Variants in CSMD1 observed in about 807,000 individuals in gnomAD.
CSMD1 encodes CUB and sushi domain-containing protein 1.
Under a neutral mutation model 417.5 loss-of-function variants are expected in CSMD1, and 213 were observed. The observed-to-expected ratio is 0.51, with a 90% CI of 0.46 to 0.57. The LOEUF is 0.57. CSMD1 is among the 20% of genes least tolerant of loss of function. CSMD1 has a pLI of 0.00. For synonymous variants in CSMD1, 2,862 were observed against 1,736.8 expected, an observed-to-expected ratio of 1.65 and a Z score of -16.11; for missense variants, 6,923 against 4,529.7, an observed-to-expected ratio of 1.53 and a Z score of -15.17.
chr8:3,435,180 G>T (rs1258561242), intron 12 of CSMD1, among the ~76,000 whole-genome samples: 1 of 152,120 alleles, frequency 6.6e-6, no homozygotes, highest in Non-Finnish European at 1.5e-5. Flanking sequence ...AAGTCAGAGG[G>T]CAAAAAAGCC....
chr8:4,592,311 G>C (rs1334175433), intron 2 of CSMD1, among the ~76,000 whole-genome samples: 1 of 151,578 alleles, frequency 6.6e-6, no homozygotes, highest in African/African-American at 2.4e-5. Context: ...GTGGTAATTG[G>C]AATGCTTTTA....
At position 4,487,529 on chromosome 8, in the gene CSMD1, T is replaced by C. The variant is rs143020365; in HGVS notation, c.303-67464A>G. ...TTTATGGCTGCATAGTATTCCATGGTGTACATGTGCCACATTTTCTTAATC... is the reference window on the plus strand; with the variant it reads ...TTTATGGCTGCATAGTATTCCATGGCGTACATGTGCCACATTTTCTTAATC... On this transcript the variant is annotated intron_variant, in intron 2 of 69. Transcript: ENST00000635120. Among the ~76,000 whole-genome samples the C allele has an allele frequency of 6.2e-3, 942 of 152,310 alleles. 8 individuals carry two copies. Among genetic ancestry groups the C allele is most frequent in the African/African-American group, 0.022 (907 of 41,562 alleles).
intron 7 of CSMD1, among the ~76,000 whole-genome samples, chr8:3,646,726 C>T (rs981958865): frequency 5.3e-5 from 8 of 152,228 alleles, no homozygotes; most frequent in African/African-American, 1.4e-4. Flanking sequence ...GACCTGGCTC[C>T]GGTGCCTCCT....
intron 5 of CSMD1, among the ~76,000 whole-genome samples, chr8:3,967,644 A>T (rs560078952): frequency 6.6e-6 from 1 of 152,102 alleles, no homozygotes; most frequent in Non-Finnish European, 1.5e-5. Flanking sequence ...TTTCCCCTCC[A>T]TTCCCTGCCT....
At chr8:3,550,449 T>G (rs1425592224) in intron 10 of CSMD1, among the ~76,000 whole-genome samples, 1 of 152,106 alleles carries the variant, frequency 6.6e-6, no homozygotes, top group East Asian at 1.9e-4. Flanking sequence ...CTTTTAAAAG[T>G]TTTTTAATTG....
At position 3,637,444 on chromosome 8, in the gene CSMD1, C is replaced by T. The variant is rs149939872; in HGVS notation, c.1010-20647G>A. Among the ~76,000 whole-genome samples the T allele has an allele frequency of 7.0e-3, 1,073 of 152,224 alleles. 10 individuals are homozygous for T. Among genetic ancestry groups the T allele is most frequent in the African/African-American group, 0.024 (996 of 41,526 alleles). On this transcript the variant is annotated intron_variant, in intron 7 of 69. Transcript: ENST00000635120. ...TAATGTATTTGAATCTATTTTCTAA[C>T]ATTTGATAAGGTAATATGACCTACC... is the stretch of plus-strand genomic sequence containing the variant.
At chr8:4,242,023 T>C (rs925276599) in intron 3 of CSMD1, among the ~76,000 whole-genome samples, 1 of 152,222 alleles carries the variant, frequency 6.6e-6, no homozygotes, top group African/African-American at 2.4e-5. Context: ...CTGCCCCTTG[T>C]TTTAATACCT....
intron 10 of CSMD1, among the ~76,000 whole-genome samples, chr8:3,523,571 ACAC>A (rs1585300775): frequency 6.6e-6 from 1 of 152,212 alleles, no homozygotes; most frequent in East Asian, 1.9e-4. Context: ...AGATGCACAC[ACAC>A]ATGTACACAC....
At chr8:4,030,903 C>G (rs772804716) in intron 4 of CSMD1, among the ~76,000 whole-genome samples, 16 of 152,194 alleles carry the variant, frequency 1.1e-4, no homozygotes, top group Non-Finnish European at 1.2e-4. Context: ...CAAAGTTCCA[C>G]AACTCTCTAG....
intron 12 of CSMD1, among the ~76,000 whole-genome samples, chr8:3,458,113 C>T (rs1284563156): frequency 6.6e-6 from 1 of 152,186 alleles, no homozygotes; most frequent in African/African-American, 2.4e-5. Flanking sequence ...CAGCGCTTAA[C>T]CTCCGTGTCA....
At chr8:3,030,547 G>A (rs1810274371) in intron 50 of CSMD1, among the ~76,000 whole-genome samples, 1 of 151,990 alleles carries the variant, frequency 6.6e-6, no homozygotes, top group Non-Finnish European at 1.5e-5. Context: ...CATGATCACG[G>A]CTCACTGCAA....
chr8:3,281,761 T>C (rs981213081), intron 26 of CSMD1, among the ~76,000 whole-genome samples: 5 of 152,178 alleles, frequency 3.3e-5, no homozygotes, highest in Admixed American at 3.3e-4. Context: ...GATGCATTTT[T>C]CCAAACTCAT....
At chr8:4,324,951 T>G (rs763310757) in intron 3 of CSMD1, among the ~76,000 whole-genome samples, 1 of 152,074 alleles carries the variant, frequency 6.6e-6, no homozygotes, top group East Asian at 1.9e-4. Context: ...GGCAATTGTA[T>G]TTGGAAAGGA....
intron 1 of CSMD1, among the ~76,000 whole-genome samples, chr8:4,792,233 G>T (rs1797730963): frequency 6.6e-6 from 1 of 151,994 alleles, no homozygotes; most frequent in African/African-American, 2.4e-5. Flanking sequence ...TAAATGTATA[G>T]AACTGAAAAA....
chr8:3,290,870 G>C (rs890768154), intron 25 of CSMD1, among the ~76,000 whole-genome samples: 1 of 151,940 alleles, frequency 6.6e-6, no homozygotes, highest in East Asian at 1.9e-4. Context: ...ATATTGAATA[G>C]GAGTGGTGAG....
chr8:4,096,898 G>A (rs1207003364), intron 3 of CSMD1, among the ~76,000 whole-genome samples: 2 of 152,130 alleles, frequency 1.3e-5, no homozygotes, highest in Admixed American at 1.3e-4. Context: ...GCTCTCAGTT[G>A]CCTCAGTTTT....
At chr8:4,093,193 G>T (rs1259626534) in intron 3 of CSMD1, among the ~76,000 whole-genome samples, 7 of 151,990 alleles carry the variant, frequency 4.6e-5, no homozygotes, top group African/African-American at 7.3e-5. Context: ...AAAATTTGAA[G>T]TTTCACATTA....
intron 10 of CSMD1, among the ~76,000 whole-genome samples, chr8:3,548,756 G>C (rs973019675): frequency 4.6e-5 from 7 of 150,974 alleles, no homozygotes; most frequent in South Asian, 2.1e-4. Flanking sequence ...TTTCTAAAGA[G>C]TAAGCCCGGC....
intron 42 of CSMD1, among the ~76,000 whole-genome samples, chr8:3,117,746 C>G (rs1178395861): frequency 1.3e-5 from 2 of 152,196 alleles, no homozygotes; most frequent in African/African-American, 4.8e-5. Context: ...ACCAGGTCCT[C>G]TGTTGCACCA....
Sources: gnomAD v4.1 joint callset for allele counts (sites outside exome capture counted in the v4.1 genomes callset) on GRCh38, gnomAD v4.1.1 for gene constraint, MANE v1.5 for transcripts, NCBI Gene and HGNC (gene_info 2026-07-23, HGNC 2026-07-21) for gene names.